CHAMP1: variants seen among roughly 807,000 people sequenced by gnomAD.
CHAMP1 encodes the protein chromosome alignment maintaining phosphoprotein 1.
Under a neutral mutation model 54.5 loss-of-function variants are expected in CHAMP1, and 4 were observed. The observed-to-expected ratio is 0.07, with a 90% CI of 0.04 to 0.17. The LOEUF is 0.17. Among genes scored for constraint, CHAMP1 ranks in the 10% least tolerant of loss-of-function variants. The pLI is 1.00. For missense variants in CHAMP1, 994 were observed against 968.6 expected (o/e 1.03, Z -0.35); for synonymous variants, 368 against 342.2 (o/e 1.08, Z -0.83).
chr13:114,322,011 C>T (rs1594868205), intron 2 of CHAMP1: 1 of 147,006 alleles, frequency 6.8e-6, no homozygotes, highest in Middle Eastern at 3.4e-3. Context: ...TCTTTAAAAA[C>T]AAATTATCAA....
At chr13:114,320,064 G>A (rs2087148782) in intron 1 of CHAMP1, among the ~76,000 whole-genome samples, 1 of 152,188 alleles carries the variant, frequency 6.6e-6, no homozygotes, top group Non-Finnish European at 1.5e-5. Context: ...CGATGAATGG[G>A]TTGGAAGAAA....
rs1555379410 is a variant in CHAMP1 at position 114,324,277 on chromosome 13, G to A, written c.435G>A (p.Ser145=). The change falls in exon 3 of 3, where the codon TCG becomes TCA. Residue 145 remains serine (S), a synonymous_variant. Transcript: ENST00000361283. ...TTGGTTCAGTTTTGTCTCCAGAATCGCCAAAACCTACTCCTCTTACTCCCC... is the reference window on the plus strand; with the variant it reads ...TTGGTTCAGTTTTGTCTCCAGAATCACCAAAACCTACTCCTCTTACTCCCC... ...QKLGSVLSPE[S]PKPTPLTPLE... 12 of 1,613,974 alleles carry A rather than the reference G, an allele frequency of 7.4e-6. No homozygotes were observed. The highest frequency in any genetic ancestry group is 4.5e-5 in the East Asian group (2 of 44,884).
chr13:114,317,471 A>AG (rs957810521), intron 1 of CHAMP1, among the ~76,000 whole-genome samples: 1 of 152,056 alleles, frequency 6.6e-6, no homozygotes, highest in African/African-American at 2.4e-5. Context: ...ACAGAAAAAA[A>AG]AAATTAGCCA....
At chr13:114,316,928 G>A (rs539234902) in intron 1 of CHAMP1, among the ~76,000 whole-genome samples, 1 of 152,226 alleles carries the variant, frequency 6.6e-6, no homozygotes, top group African/African-American at 2.4e-5. Flanking sequence ...AAAAACTGGG[G>A]ACAAGAAGAT....
At position 114,326,185 on chromosome 13, in the gene CHAMP1, G is replaced by A; in HGVS notation, c.2343G>A (p.Lys781=). 1 of 1,612,646 alleles carries A rather than the reference G, an allele frequency of 6.2e-7. No individual in the cohort carries two copies. The highest frequency in any genetic ancestry group is 1.1e-5 in the South Asian group (1 of 90,842). ...AATCAAATTTCCCAAGAGGTTTTAA[G>A]AAACATTTAACTCATTGTCAAAGCC... The part of the protein sequence containing the change: ...NFESNFPRGF[K]KHLTHCQSRH... The change falls in exon 3 of 3, where the codon AAG becomes AAA. Residue 781 remains lysine (K), a synonymous_variant. Coordinates refer to ENST00000361283, the MANE Select transcript of CHAMP1 (RefSeq NM_032436.4).
chr13:114,323,709 A>G lies in CHAMP1; in HGVS notation c.-55-79A>G, dbSNP rs552664873. 1.6e-5 allele frequency: 18 copies of G among 1,143,022 alleles called. No individual in the cohort carries two copies. The African/African-American group carries it at 2.4e-4, about 15-fold the overall frequency. The allele number at this position is 1,143,022 out of a possible 1,614,324, so 70.8% of individuals were successfully genotyped here. On this transcript the variant is annotated intron_variant, in intron 2 of 2. Transcript: ENST00000361283. The stretch of plus-strand genomic sequence containing the variant: ...CACGCACTGTTCTAGACTTAAAATT[A>G]TGCAGTTATAGAATGGACTGACAGC...
intron 1 of CHAMP1, among the ~76,000 whole-genome samples, chr13:114,320,133 A>T (rs1555378948): frequency 6.6e-6 from 1 of 152,094 alleles, no homozygotes; most frequent in African/African-American, 2.4e-5. Flanking sequence ...GGGGTAGGGG[A>T]TAGAGAAGGG....
rs199550269 is a variant in CHAMP1, at chr13:114,325,298, A to G, written c.1456A>G (p.Ile486Val). 3.2e-5 allele frequency: 51 copies of G among 1,613,982 alleles called. No homozygotes were observed. The Middle Eastern group carries it at 6.6e-4, about 21-fold the overall frequency. Residue 486 changes from isoleucine to valine, a missense_variant, in exon 3 of 3, where the codon ATT (isoleucine) becomes GTT (valine). By Grantham distance (29) the Ile-to-Val change is conservative (BLOSUM62 3). Coordinates refer to ENST00000361283, the MANE Select transcript of CHAMP1 (RefSeq NM_032436.4). ...SPDLWKSSFFIEPQKPVFPET... is the reference protein window; with the variant it reads ...SPDLWKSSFFVEPQKPVFPET... ...TGATCTCTGGAAGTCTTCCTTTTTT[A>G]TTGAGCCTCAGAAACCTGTCTTCCC...
intron 2 of CHAMP1, chr13:114,322,055 T>A (rs1279465934): frequency 2.0e-5 from 3 of 149,400 alleles, no homozygotes; most frequent in African/African-American, 7.4e-5. Context: ...TTTTTTTTTT[T>A]TTTTGAGATG....
Position 114,325,006 on chromosome 13 carries a change from G to A in CHAMP1, c.1164G>A (p.Glu388=), listed in dbSNP as rs2087225649. 1 of 1,613,976 alleles carries A rather than the reference G, an allele frequency of 6.2e-7. No homozygotes were observed. The highest frequency in any genetic ancestry group is 1.3e-5 in the African/African-American group (1 of 74,876). ...GGAAGTCTCCCCCTGCATCTCCTGAGTCATGGAAGTCTGGCCCACCAGAAC... is the reference window on the plus strand; with the variant it reads ...GGAAGTCTCCCCCTGCATCTCCTGAATCATGGAAGTCTGGCCCACCAGAAC... ...SSWKSPPASP[E]SWKSGPPELR... Residue 388 remains glutamate, a synonymous_variant, in exon 3 of 3, where the codon GAG becomes GAA. Transcript: ENST00000361283.
intron 2 of CHAMP1, chr13:114,322,035 A>ATT: frequency 6.7e-6 from 1 of 148,286 alleles, no homozygotes; most frequent in Non-Finnish European, 1.5e-5. Context: ...TAGAAATGTT[A>ATT]ATTTTTTTTT....
At chr13:114,323,570 T>C (rs971318067) in intron 2 of CHAMP1, 20 of 359,344 alleles carry the variant, frequency 5.6e-5, no homozygotes, top group African/African-American at 3.8e-4. Flanking sequence ...AATAGTTGAG[T>C]CATATCATTA....
intron 1 of CHAMP1, among the ~76,000 whole-genome samples, chr13:114,319,957 C>G (rs1463344563): frequency 2.0e-5 from 3 of 152,140 alleles, no homozygotes; most frequent in Admixed American, 6.5e-5. Flanking sequence ...ATGCCATATT[C>G]AAATTGTATA....
In CHAMP1 at chr13:114,324,690, C is replaced by T. The variant is rs2087218710; in HGVS notation, c.848C>T (p.Pro283Leu). 6.2e-7 allele frequency: 1 copy of T among 1,613,888 alleles called. No individual in the cohort carries two copies. Among genetic ancestry groups the T allele is most frequent in the Admixed American group, 1.7e-5 (1 of 59,992 alleles). ...TTSPEPRKPS[P>L]SESPEPWKPF... ...TCCCCTGAGCCAAGGAAGCCATCCC[C>T]TTCAGAGTCTCCTGAACCTTGGAAG... The change falls in exon 3 of 3, where the codon CCT becomes CTT. Residue 283 changes from proline to leucine, a missense_variant. Physicochemically the swap from Pro to Leu is moderately conservative, Grantham distance 98. Transcript: ENST00000361283.
At position 114,324,130 on chromosome 13, in the gene CHAMP1, A is replaced by G. The variant is rs2139418284; in HGVS notation, c.288A>G (p.Lys96=). 6.2e-7 allele frequency: 1 copy of G among 1,614,222 alleles called. No individual in the cohort carries two copies. The highest frequency in any genetic ancestry group is 2.2e-5 in the East Asian group (1 of 44,888). The change falls in exon 3 of 3, where the codon AAA becomes AAG. Residue 96 remains lysine, a synonymous_variant. Coordinates refer to ENST00000361283, the MANE Select transcript of CHAMP1 (RefSeq NM_032436.4). ...CAGACAAATGGAATGATAAACCAAA[A>G]AATCAGTTGAACAAAGAAACAGATC... ...ASPDKWNDKP[K]NQLNKETDPV...
intron 1 of CHAMP1, among the ~76,000 whole-genome samples, chr13:114,320,407 C>G (rs1434492447): frequency 1.3e-5 from 2 of 152,144 alleles, no homozygotes; most frequent in Non-Finnish European, 2.9e-5. Context: ...GTTGTGGTGT[C>G]CCTTCCTCCA....
chr13:114,318,756 T>G (rs2087131287), intron 1 of CHAMP1, among the ~76,000 whole-genome samples: 1 of 151,800 alleles, frequency 6.6e-6, no homozygotes, highest in African/African-American at 2.4e-5. Context: ...ACTTCTAGGA[T>G]AGCTCATATA....
chr13:114,315,238 C>G (rs1380992780), intron 1 of CHAMP1, among the ~76,000 whole-genome samples: 1 of 151,856 alleles, frequency 6.6e-6, no homozygotes. Flanking sequence ...CCACCTCACA[C>G]CTGTTAGGGT....
intron 2 of CHAMP1, chr13:114,322,205 A>C (rs968485031): frequency 6.6e-6 from 1 of 151,960 alleles, no homozygotes; most frequent in Non-Finnish European, 1.5e-5. Context: ...ACGCCTGGCT[A>C]ATTTTTGTAT....
Sources: allele counts gnomAD v4.1 joint callset (sites outside exome capture counted in the v4.1 genomes callset), GRCh38; gene constraint gnomAD v4.1.1; transcripts MANE v1.5; gene names NCBI Gene and HGNC (gene_info 2026-07-23, HGNC 2026-07-21).